The following NRDC variants were observed in gnomAD, a reference collection of about 807,000 sequenced individuals.
NRDC encodes nardilysin.
In NRDC, 54 loss-of-function variants were observed where a neutral mutation model predicts 147.1. The ratio of observed to expected loss-of-function variants is 0.37; its 90% confidence interval spans 0.29 to 0.46. NRDC has a LOEUF of 0.46. Among genes scored for constraint, NRDC ranks in the 20% least tolerant of loss-of-function variants. The probability of loss-of-function intolerance (pLI) is 1.00; values close to 1 mark genes in which losing one functional copy is unlikely to be tolerated. For synonymous variants in NRDC, 440 were observed against 482.1 expected, an observed-to-expected ratio of 0.91 and a Z score of 1.14; for missense variants, 1,082 against 1,370.6, an observed-to-expected ratio of 0.79 and a Z score of 3.33.
chr1:51,805,436 T>C (rs1679418778), intron 19 of NRDC, 74 bp downstream of exon 19: 1 of 1,145,090 alleles, frequency 8.7e-7, no homozygotes, highest in African/African-American at 1.6e-5. Context: ...AATGACAGAA[T>C]GATTTAGAAT....
intron 1 of NRDC, among the ~76,000 whole-genome samples, chr1:51,853,227 AT>A (rs1382046045): frequency 2.0e-5 from 3 of 148,886 alleles, no homozygotes; most frequent in Non-Finnish European, 4.5e-5. Flanking sequence ...AAAAAAAAAT[AT>A]ATATATATAT....
At chr1:51,847,427 G>A (rs927237858) in intron 1 of NRDC, among the ~76,000 whole-genome samples, 4 of 152,254 alleles carry the variant, frequency 2.6e-5, no homozygotes, top group African/African-American at 9.6e-5. Flanking sequence ...CGTGGAGCAG[G>A]GGGCGGCGCT....
At chr1:51,844,130 T>C (rs1681413568) in intron 1 of NRDC, among the ~76,000 whole-genome samples, 1 of 152,036 alleles carries the variant, frequency 6.6e-6, no homozygotes, top group Non-Finnish European at 1.5e-5. Context: ...ACCCTGGCTA[T>C]ACTCGCCTCC....
At chr1:51,796,854 G>A (rs1678945878) in intron 22 of NRDC, among the ~76,000 whole-genome samples, 2 of 149,636 alleles carry the variant, frequency 1.3e-5, no homozygotes, top group African/African-American at 2.4e-5. Flanking sequence ...CCAAAGTGCT[G>A]GGATTACAGG....
intron 1 of NRDC, among the ~76,000 whole-genome samples, chr1:51,875,497 T>C (rs1209083340): frequency 6.6e-6 from 1 of 152,240 alleles, no homozygotes; most frequent in Non-Finnish European, 1.5e-5. Flanking sequence ...TCAATGTATT[T>C]CATTCCTCAA....
At chr1:51,805,392 A>C (rs960301535) in intron 19 of NRDC, 118 bp downstream of exon 19, 52 of 739,136 alleles carry the variant, frequency 7.0e-5, no homozygotes, top group Middle Eastern at 3.2e-4. Context: ...AAAAATACAT[A>C]AATCAGCAAC....
intron 6 of NRDC, among the ~76,000 whole-genome samples, 172 bp from the exon 7 acceptor site, chr1:51,823,958 A>T (rs1458891013): frequency 6.6e-6 from 1 of 152,152 alleles, no homozygotes; most frequent in Non-Finnish European, 1.5e-5. Flanking sequence ...ACAAAAATGC[A>T]TAAGAAACAA....
intron 22 of NRDC, among the ~76,000 whole-genome samples, chr1:51,796,207 G>A (rs1429479940): frequency 1.3e-5 from 2 of 151,378 alleles, no homozygotes; most frequent in Non-Finnish European, 2.9e-5. Context: ...CATTTATTTG[G>A]CCTAACATCA....
chr1:51,806,753 C>T (rs568434738), intron 18 of NRDC, 41 bp downstream of exon 18: 1 of 1,583,764 alleles, frequency 6.3e-7, no homozygotes, highest in Non-Finnish European at 8.6e-7. Flanking sequence ...AAAGAGAACA[C>T]TGGAATTCAG....
At chr1:51,840,554 T>C in intron 1 of NRDC, 40 bp from the exon 2 acceptor site, 1 of 1,389,752 alleles carries the variant, frequency 7.2e-7, no homozygotes, top group Admixed American at 2.1e-5. Context: ...TTGATTCAGC[T>C]GTTCTTTACA....
rs544534733 is a variant in NRDC, at chr1:51,822,275, C to A, written c.1160-720G>T. Among the ~76,000 whole-genome samples, 69 of 152,246 alleles carry A rather than the reference C, an allele frequency of 4.5e-4. 3 individuals carry two copies. The South Asian group carries it at 0.014, about 31-fold the overall frequency. On this transcript the variant is annotated intron_variant, in intron 7 of 30. Coordinates refer to ENST00000352171, the MANE Select transcript of NRDC (RefSeq NM_001101662.2). ...CATTATATAAAACCTGGGATTCAGA[C>A]TAATCATTTCTGAATTTATATTATT...
intron 9 of NRDC, among the ~76,000 whole-genome samples, chr1:51,818,964 T>C (rs1441419169): frequency 6.6e-6 from 1 of 152,228 alleles, no homozygotes; most frequent in African/African-American, 2.4e-5. Context: ...ATATACTTTA[T>C]AATCTCGACT....
intron 1 of NRDC, among the ~76,000 whole-genome samples, chr1:51,871,708 CAA>C (rs1683094094): frequency 6.6e-6 from 1 of 151,890 alleles, no homozygotes. Flanking sequence ...AATGACAAAA[CAA>C]AAAGTCATAC....
At chr1:51,836,492 C>A in intron 2 of NRDC, 1 of 1,439,714 alleles carries the variant, frequency 6.9e-7, no homozygotes, top group Non-Finnish European at 9.7e-7. Context: ...GACTGGACAG[C>A]CCACCCAAAT....
chr1:51,863,725 T>C (rs1055416719), intron 1 of NRDC, among the ~76,000 whole-genome samples: 3 of 152,164 alleles, frequency 2.0e-5, no homozygotes, highest in East Asian at 1.9e-4. Flanking sequence ...GACTGATCTA[T>C]AGTGTTTGAT....
chr1:51,805,116 A>G (rs963010328), intron 19 of NRDC, among the ~76,000 whole-genome samples: 2 of 152,256 alleles, frequency 1.3e-5, no homozygotes, highest in Non-Finnish European at 2.9e-5. Context: ...CTATCTACAT[A>G]AATATATAAG....
intron 1 of NRDC, among the ~76,000 whole-genome samples, chr1:51,873,479 T>TTTTA (rs57413276): frequency 0.41 from 58,647 of 141,648 alleles, 14,232 homozygotes; most frequent in South Asian, 0.54. Context: ...TATATGGAAT[T>TTTTA]TTTATTTATT....
chr1:51,863,026 A>AAAC, intron 1 of NRDC, among the ~76,000 whole-genome samples: 1 of 149,986 alleles, frequency 6.7e-6, no homozygotes, highest in Non-Finnish European at 1.5e-5. Flanking sequence ...AAAAAAAAAA[A>AAAC]AAAAAAAAAA....
chr1:51,864,227 A>G (rs956831636), intron 1 of NRDC, among the ~76,000 whole-genome samples: 16 of 152,238 alleles, frequency 1.1e-4, no homozygotes, highest in African/African-American at 3.6e-4. Flanking sequence ...TTAGTATTTC[A>G]ATATTAATAT....
Sources: allele counts gnomAD v4.1 joint callset (sites outside exome capture counted in the v4.1 genomes callset), GRCh38; gene constraint gnomAD v4.1.1; transcripts MANE v1.5; gene names NCBI Gene and HGNC (gene_info 2026-07-23, HGNC 2026-07-21).